The following FBXO39 variants were observed in gnomAD, a reference collection of about 807,000 sequenced individuals.
FBXO39 encodes F-box protein 39.
Under a neutral mutation model 36.6 loss-of-function variants are expected in FBXO39, and 22 were observed. That is an observed-to-expected ratio of 0.60 (90% CI 0.43 to 0.86). FBXO39 has a LOEUF of 0.86. Among genes scored for constraint, FBXO39 ranks in the 40% least tolerant of loss-of-function variants. FBXO39 has a pLI of 0.00. For synonymous variants in FBXO39, 206 were observed against 205.8 expected (o/e 1.00, Z -0.01); for missense variants, 536 against 543.9 (o/e 0.99, Z 0.14).
rs765587376 is a variant in FBXO39, at chr17:6,779,484, C to A, written c.-80-305C>A. 8.9e-4 allele frequency among the ~76,000 whole-genome samples: 136 copies of A among 152,216 alleles called. 1 individual carries two copies. Among genetic ancestry groups the A allele is most frequent in the Non-Finnish European group, 1.6e-3 (111 of 68,044 alleles). ...CAACTCAGACGTCGCTTCCTCTGAG[C>A]AGCCCTCTCTACTTCCAAACACTAT... is the stretch of plus-strand genomic sequence containing the variant. On this transcript the variant is annotated intron_variant, in intron 1 of 3. Transcript: ENST00000321535.
At position 6,780,142 on chromosome 17, in the gene FBXO39, C is replaced by A; in HGVS notation, c.274C>A (p.Leu92Met). The A allele has an allele frequency of 6.2e-7, 1 of 1,614,148 alleles. No homozygotes were observed. Among genetic ancestry groups the A allele is most frequent in the Non-Finnish European group, 8.5e-7 (1 of 1,180,024 alleles). The change falls in exon 2 of 4, where the codon CTG becomes ATG. Residue 92 changes from leucine (L) to methionine (M), a missense_variant. By Grantham distance (15) the Leu-to-Met change is conservative. Transcript: ENST00000321535. ...VKKFGRYLEH[L>M]EVKFMNPYNA... ...GAAGTTTGGTCGTTATCTGGAGCACCTGGAGGTCAAATTCATGAATCCTTA... is the reference window on the plus strand; with the variant it reads ...GAAGTTTGGTCGTTATCTGGAGCACATGGAGGTCAAATTCATGAATCCTTA...
At chr17:6,778,803 C>T (rs373965527) in intron 1 of FBXO39, among the ~76,000 whole-genome samples, 19 of 152,284 alleles carry the variant, frequency 1.2e-4, no homozygotes, top group African/African-American at 2.2e-4. Flanking sequence ...AGATCTCTGC[C>T]GGGACTCTCT....
intron 2 of FBXO39, among the ~76,000 whole-genome samples, chr17:6,784,864 C>G (rs1383840529): frequency 1.3e-5 from 2 of 151,470 alleles, no homozygotes; most frequent in African/African-American, 4.9e-5. Context: ...CAGTGCAATC[C>G]TATCCAAATA....
Position 6,780,419 on chromosome 17 carries a change from A to G in FBXO39, c.551A>G (p.Asp184Gly). The change falls in exon 2 of 4, where the codon GAC (aspartate) becomes GGC (glycine). Residue 184 changes from aspartate (D) to glycine (G), a missense_variant. Coordinates refer to ENST00000321535, the MANE Select transcript of FBXO39 (RefSeq NM_153230.3). ...GTGGAGCAAGGCTGCCAAATTCTCG[A>G]CTCCCTCAGCTACATGAGGAATGAG... is the stretch of plus-strand genomic sequence containing the variant. ...LTVEQGCQIL[D>G]SLSYMRNENV... 1 of 1,613,700 alleles carries G rather than the reference A, an allele frequency of 6.2e-7. No individual in the cohort carries two copies. Among genetic ancestry groups the G allele is most frequent in the Non-Finnish European group, 8.5e-7 (1 of 1,179,950 alleles).
At chr17:6,782,416 A>G (rs944053426) in intron 2 of FBXO39, among the ~76,000 whole-genome samples, 3 of 152,194 alleles carry the variant, frequency 2.0e-5, no homozygotes, top group Admixed American at 2.0e-4. Flanking sequence ...GTCCCGAGTA[A>G]GTCCCTACTT....
At position 6,783,588 on chromosome 17, in the gene FBXO39, G is replaced by A. The variant is rs114335296; in HGVS notation, c.1023+2697G>A. Among the ~76,000 whole-genome samples the A allele has an allele frequency of 4.5e-3, 688 of 152,038 alleles. 6 individuals carry two copies. Among genetic ancestry groups the A allele is most frequent in the African/African-American group, 0.016 (663 of 41,526 alleles). On this transcript the variant is annotated intron_variant, in intron 2 of 3. Coordinates refer to ENST00000321535, the MANE Select transcript of FBXO39 (RefSeq NM_153230.3). ...AGGAGACATTACAACCAATACCAGA[G>A]AAATACAAAGGATAATTAGAGCCTA... is the stretch of plus-strand genomic sequence containing the variant.
Position 6,780,453 on chromosome 17 carries a change from C to A in FBXO39, c.585C>A (p.Ile195=), listed in dbSNP as rs761545468. 6.2e-7 allele frequency: 1 copy of A among 1,614,166 alleles called. No individual in the cohort carries two copies. Among genetic ancestry groups the A allele is most frequent in the African/African-American group, 1.3e-5 (1 of 75,054 alleles). Residue 195 remains isoleucine, a synonymous_variant, in exon 2 of 4, where the codon ATC becomes ATA. Coordinates refer to ENST00000321535, the MANE Select transcript of FBXO39 (RefSeq NM_153230.3). The part of the protein sequence containing the change: ...SLSYMRNENV[I]SELNIEDYFS... The stretch of plus-strand genomic sequence containing the variant: ...GCTACATGAGGAATGAGAATGTGAT[C>A]TCAGAGCTCAACATCGAGGACTATT...
intron 1 of FBXO39, among the ~76,000 whole-genome samples, chr17:6,777,285 T>G (rs993033410): frequency 1.1e-4 from 17 of 151,038 alleles, no homozygotes; most frequent in Non-Finnish European, 2.1e-4. Flanking sequence ...ACAGGCCCCA[T>G]TGTGTGATGT....
rs1976490193 is a variant in FBXO39 at position 6,780,316 on chromosome 17, A to C, written c.448A>C (p.Ile150Leu). 6.2e-7 allele frequency: 1 copy of C among 1,614,024 alleles called. No homozygotes were observed. ...VWRNSIRSSFISSLSFFLKKM... is the reference protein window; with the variant it reads ...VWRNSIRSSFLSSLSFFLKKM... ...GAGGAACAGCATCAGGAGCTCATTC[A>C]TCAGCAGCTTGAGCTTCTTCTTAAA... The change falls in exon 2 of 4, where the codon ATC becomes CTC. Residue 150 changes from isoleucine to leucine, a missense_variant. Coordinates refer to ENST00000321535, the MANE Select transcript of FBXO39 (RefSeq NM_153230.3).
chr17:6,781,183 G>T (rs775469600), intron 2 of FBXO39, among the ~76,000 whole-genome samples: 1 of 152,220 alleles, frequency 6.6e-6, no homozygotes, highest in African/African-American at 2.4e-5. Flanking sequence ...GAGCCAGGAG[G>T]TGCCTTGCAG....
At chr17:6,785,811 C>G (rs1597777357) in intron 2 of FBXO39, among the ~76,000 whole-genome samples, 1 of 152,168 alleles carries the variant, frequency 6.6e-6, no homozygotes, top group African/African-American at 2.4e-5. Flanking sequence ...GATATTATCT[C>G]ACCCCAGTTA....
intron 1 of FBXO39, among the ~76,000 whole-genome samples, chr17:6,778,955 C>A (rs918282373): frequency 6.6e-6 from 1 of 152,188 alleles, no homozygotes; most frequent in Non-Finnish European, 1.5e-5. Context: ...CTCTGTCCCC[C>A]AGGAGTGTCC....
intron 2 of FBXO39, among the ~76,000 whole-genome samples, chr17:6,781,357 A>G (rs1976506697): frequency 6.6e-6 from 1 of 152,178 alleles, no homozygotes; most frequent in South Asian, 2.1e-4. Context: ...ACCAGGCCAG[A>G]CAAAAAGTCA....
At chr17:6,783,183 G>T (rs1976529426) in intron 2 of FBXO39, among the ~76,000 whole-genome samples, 1 of 152,110 alleles carries the variant, frequency 6.6e-6, no homozygotes, top group Admixed American at 6.5e-5. Context: ...TGGTCATGAA[G>T]AGATTAAGAA....
rs1976590916 is a variant in FBXO39 at position 6,787,485 on chromosome 17, C to G, written c.*57C>G. ...CACTTTGAACTTGAAAATCATTTCT[C>G]TTAGAACTACACTTGGGCACTGCCG... On this transcript the variant is annotated 3_prime_UTR_variant, in exon 4 of 4. Transcript: ENST00000321535. 6.2e-7 allele frequency: 1 copy of G among 1,602,722 alleles called. No homozygotes were observed. Among genetic ancestry groups the G allele is most frequent in the Middle Eastern group, 1.7e-4 (1 of 6,026 alleles).
chr17:6,784,696 T>G (rs1334680980), intron 2 of FBXO39, among the ~76,000 whole-genome samples: 1 of 151,898 alleles, frequency 6.6e-6, no homozygotes, highest in African/African-American at 2.4e-5. Flanking sequence ...TACCTAGGAA[T>G]TAACCGAAGG....
intron 1 of FBXO39, among the ~76,000 whole-genome samples, chr17:6,776,520 A>G (rs1976413562): frequency 6.6e-6 from 1 of 152,100 alleles, no homozygotes; most frequent in Non-Finnish European, 1.5e-5. Context: ...GATATGGTGG[A>G]CCAACCCTGG....
chr17:6,786,610 C>A lies in FBXO39; in HGVS notation c.1024-170C>A, dbSNP rs1363805979. Among the ~76,000 whole-genome samples, 4 of 152,056 alleles carry A rather than the reference C, an allele frequency of 2.6e-5. No homozygotes were observed. The East Asian group carries it at 5.8e-4, about 22-fold the overall frequency. On this transcript the variant is annotated intron_variant, in intron 2 of 3. Transcript: ENST00000321535. ...TGCCTACATCAAAATATCCCATATA[C>A]CCCATAAATATATGTACCTATGTAC...
chr17:6,780,264 A>G lies in FBXO39; in HGVS notation c.396A>G (p.Gln132=), dbSNP rs1976489045. 1.2e-6 allele frequency: 2 copies of G among 1,614,134 alleles called. No individual in the cohort carries two copies. Among genetic ancestry groups the G allele is most frequent in the Non-Finnish European group, 1.7e-6 (2 of 1,180,028 alleles). Residue 132 remains glutamine, a synonymous_variant, in exon 2 of 4, where the codon CAA becomes CAG. Coordinates refer to ENST00000321535, the MANE Select transcript of FBXO39 (RefSeq NM_153230.3). ...SNNRLKSLSI[Q]YLELDRLVWR... ...ACCGTCTGAAATCTCTTTCCATCCA[A>G]TACCTGGAGCTGGACCGCCTGGTAT...
Sources: gnomAD v4.1 joint callset for allele counts (sites outside exome capture counted in the v4.1 genomes callset) on GRCh38, gnomAD v4.1.1 for gene constraint, MANE v1.5 for transcripts, NCBI Gene and HGNC (gene_info 2026-07-23, HGNC 2026-07-21) for gene names.